Variants in PLEKHO2 observed in about 807,000 individuals in gnomAD.
PLEKHO2 encodes the protein pleckstrin homology domain containing O2, also known as pleckstrin homology domain-containing family O member 2.
A neutral mutation model predicts 32.7 loss-of-function variants in PLEKHO2; 20 were observed. The observed-to-expected ratio is 0.61, with a 90% CI of 0.43 to 0.89. The LOEUF is 0.89. PLEKHO2 is among the 40% of genes least tolerant of loss of function. PLEKHO2 has a pLI of 0.00. For synonymous variants in PLEKHO2, 247 were observed against 246.3 expected (o/e 1.00, Z -0.03); for missense variants, 568 against 621.2 (o/e 0.91, Z 0.91).
At chr15:64,862,753 ATTTTC>A (rs2084651497) in intron 5 of PLEKHO2, among the ~76,000 whole-genome samples, 1 of 151,930 alleles carries the variant, frequency 6.6e-6, no homozygotes, top group Admixed American at 6.6e-5. Context: ...TTTACAACAT[ATTTTC>A]TTTTTCTTTT....
Position 64,864,908 on chromosome 15 carries a change from G to A in PLEKHO2, c.493G>A (p.Ala165Thr), listed in dbSNP as rs1408883482. The A allele has an allele frequency of 1.9e-6, 3 of 1,603,606 alleles. No individual in the cohort carries two copies. Among genetic ancestry groups the A allele is most frequent in the Non-Finnish European group, 8.5e-7 (1 of 1,173,796 alleles). ...TRVHLKEVASAASDGLLRLDL... is the reference protein window; with the variant it reads ...TRVHLKEVASTASDGLLRLDL... ...CCATCCCCCCCACCAGGTGGCCAGTGCAGCTTCTGACGGTCTTCTGCGCCT... is the reference window on the plus strand; with the variant it reads ...CCATCCCCCCCACCAGGTGGCCAGTACAGCTTCTGACGGTCTTCTGCGCCT... Residue 165 changes from alanine to threonine, a missense_variant, in exon 6 of 6, where the codon GCA becomes ACA. Physicochemically the swap from Ala to Thr is moderately conservative, Grantham distance 58. Transcript: ENST00000323544.
rs2084672236 is a variant in PLEKHO2, at chr15:64,865,127, T to G, written c.712T>G (p.Ser238Ala). 1 of 1,613,852 alleles carries G rather than the reference T, an allele frequency of 6.2e-7. No homozygotes were observed. ...AGCCCCAACCCCTGTCTCAGCAAGCTCTGAGGTCTCCCCTGAGAGCCAAGA... is the reference window on the plus strand; with the variant it reads ...AGCCCCAACCCCTGTCTCAGCAAGCGCTGAGGTCTCCCCTGAGAGCCAAGA... ...ERAPTPVSAS[S>A]EVSPESQEDS... Residue 238 changes from serine to alanine, a missense_variant, in exon 6 of 6, where the codon TCT becomes GCT. Physicochemically the swap from Ser to Ala is moderately conservative, Grantham distance 99 (BLOSUM62 1). Transcript: ENST00000323544.
Position 64,865,095 on chromosome 15 carries a change from G to A in PLEKHO2, c.680G>A (p.Gly227Glu). Reference protein sequence around the residue: ...SPGDRVETPVGERAPTPVSAS... With the variant: ...SPGDRVETPVEERAPTPVSAS... ...GGTGACAGGGTGGAGACCCCTGTGGGGGAGAGAGCCCCAACCCCTGTCTCA... is the reference window on the plus strand; with the variant it reads ...GGTGACAGGGTGGAGACCCCTGTGGAGGAGAGAGCCCCAACCCCTGTCTCA... The change falls in exon 6 of 6, where the codon GGG (glycine) becomes GAG (glutamate). Residue 227 changes from glycine to glutamate, a missense_variant. Gly to Glu is a moderately conservative substitution (Grantham distance 98). Transcript: ENST00000323544. The A allele has an allele frequency of 6.2e-7, 1 of 1,614,082 alleles. No individual in the cohort carries two copies. The highest frequency in any genetic ancestry group is 1.1e-5 in the South Asian group (1 of 91,084).
rs2084687518 is a variant in PLEKHO2 at position 64,866,368 on chromosome 15, C to T, written c.*480C>T. 8.8e-6 allele frequency: 4 copies of T among 456,672 alleles called. No individual in the cohort carries two copies. Among genetic ancestry groups the T allele is most frequent in the African/African-American group, 2.0e-5 (1 of 50,114 alleles). 28.3% of individuals were successfully genotyped at this position (456,672 alleles called of 1,614,324 possible). ...TAAGGCAGCCTCAAAGCCAGCCCCT[C>T]CTCCCACCTATTCTGAGTAGCTGCA... is the stretch of plus-strand genomic sequence containing the variant. On this transcript the variant is annotated 3_prime_UTR_variant, in exon 6 of 6. Coordinates refer to ENST00000323544, the MANE Select transcript of PLEKHO2 (RefSeq NM_025201.5).
Position 64,848,697 on chromosome 15 carries a change from A to G in PLEKHO2, c.117A>G (p.Arg39=), listed in dbSNP as rs1363497168. Residue 39 remains arginine (R), a synonymous_variant, in exon 2 of 6, where the codon CGA becomes CGG. Transcript: ENST00000323544. ...SGGLLGFWKD[R]YLLLCQAQLL... is the part of the protein sequence containing the mutation. ...GCCTCCTGGGTTTCTGGAAAGACCGATATCTGCTCCTCTGCCAGGCCCAGC... is the reference window on the plus strand; with the variant it reads ...GCCTCCTGGGTTTCTGGAAAGACCGGTATCTGCTCCTCTGCCAGGCCCAGC... 2 of 1,614,128 alleles carry G rather than the reference A, an allele frequency of 1.2e-6. No homozygotes were observed. Among genetic ancestry groups the G allele is most frequent in the Admixed American group, 1.7e-5 (1 of 60,022 alleles).
At chr15:64,858,968 C>G (rs2084624336) in intron 3 of PLEKHO2, among the ~76,000 whole-genome samples, 1 of 152,188 alleles carries the variant, frequency 6.6e-6, no homozygotes. Flanking sequence ...ACTCTCCTCT[C>G]TGTCTCTATG....
chr15:64,860,914 T>C (rs1465806207), intron 4 of PLEKHO2, among the ~76,000 whole-genome samples: 3 of 152,204 alleles, frequency 2.0e-5, no homozygotes, highest in Non-Finnish European at 4.4e-5. Flanking sequence ...CTCCCCATCA[T>C]AGGGCCAGGC....
At chr15:64,857,292 G>A (rs967923799) in intron 3 of PLEKHO2, among the ~76,000 whole-genome samples, 1 of 152,204 alleles carries the variant, frequency 6.6e-6, no homozygotes, top group African/African-American at 2.4e-5. Context: ...GACCTGTACA[G>A]CCTGTGGCCC....
At chr15:64,843,159 G>A (rs1015022426) in intron 1 of PLEKHO2, among the ~76,000 whole-genome samples, 4 of 152,236 alleles carry the variant, frequency 2.6e-5, no homozygotes, top group Non-Finnish European at 5.9e-5. Flanking sequence ...CTAGTGGTCC[G>A]TCAGGGCTCC....
At chr15:64,863,519 TTGTGTGTGTG>T (rs147780306) in intron 5 of PLEKHO2, among the ~76,000 whole-genome samples, 17 of 145,160 alleles carry the variant, frequency 1.2e-4, no homozygotes, top group South Asian at 4.5e-4. Flanking sequence ...GTGTGTGTGT[TTGTGTGTGTG>T]TGTGTGTGTG....
intron 1 of PLEKHO2, among the ~76,000 whole-genome samples, chr15:64,845,893 C>T (rs951461147): frequency 2.0e-5 from 3 of 152,126 alleles, no homozygotes; most frequent in Admixed American, 2.0e-4. Context: ...AAGCAAGAGG[C>T]GAGCTTGGAG....
chr15:64,850,680 C>T (rs921542613), intron 2 of PLEKHO2, among the ~76,000 whole-genome samples: 1 of 152,234 alleles, frequency 6.6e-6, no homozygotes. Flanking sequence ...GAATAGCCCT[C>T]ACTTCTTCCC....
Position 64,865,057 on chromosome 15 carries a change from G to C in PLEKHO2, c.642G>C (p.Glu214Asp), listed in dbSNP as rs1254074289. 1.2e-6 allele frequency: 2 copies of C among 1,614,098 alleles called. No individual in the cohort carries two copies. The highest frequency in any genetic ancestry group is 1.3e-5 in the African/African-American group (1 of 75,026). Reference sequence around the variant, plus strand: ...CTACCAAGCCTTTCCTAGCACCTGAGACCACCAGCCCTGGTGACAGGGTGG... The same window carrying C: ...CTACCAAGCCTTTCCTAGCACCTGACACCACCAGCCCTGGTGACAGGGTGG... ...MPPTKPFLAP[E>D]TTSPGDRVET... is the part of the protein sequence containing the mutation. Residue 214 changes from glutamate (E) to aspartate (D), a missense_variant, in exon 6 of 6, where the codon GAG (glutamate) becomes GAC (aspartate). Coordinates refer to ENST00000323544, the MANE Select transcript of PLEKHO2 (RefSeq NM_025201.5).
chr15:64,864,066 A>G (rs1341175212), intron 5 of PLEKHO2, among the ~76,000 whole-genome samples: 2 of 152,208 alleles, frequency 1.3e-5, no homozygotes, highest in East Asian at 3.9e-4. Context: ...AAGAAAAATA[A>G]GGTGGCAGGG....
In PLEKHO2 at chr15:64,865,879, T is replaced by C. The variant is rs1239880257; in HGVS notation, c.1464T>C (p.Ser488=). 1.2e-6 allele frequency: 2 copies of C among 1,604,396 alleles called. No homozygotes were observed. The highest frequency in any genetic ancestry group is 3.3e-5 in the Admixed American group (2 of 59,966). The part of the protein sequence containing the change: ...RKELVTLYRR[S]AP The stretch of plus-strand genomic sequence containing the variant: ...AGCTGGTGACCCTCTACAGGAGAAG[T>C]GCACCCTAGGGCCTTCTGGGCCAGA... The change falls in exon 6 of 6, where the codon AGT becomes AGC. Residue 488 remains serine (S), a synonymous_variant. Coordinates refer to ENST00000323544, the MANE Select transcript of PLEKHO2 (RefSeq NM_025201.5).
At chr15:64,854,308 C>T (rs866972063) in intron 2 of PLEKHO2, among the ~76,000 whole-genome samples, 21 of 152,134 alleles carry the variant, frequency 1.4e-4, no homozygotes, top group Admixed American at 9.8e-4. Flanking sequence ...GGATGGGATG[C>T]GCTTCAAGGA....
chr15:64,861,682 G>A (rs189541795), intron 5 of PLEKHO2, 107 bp downstream of exon 5: 5 of 853,430 alleles, frequency 5.9e-6, no homozygotes, highest in Admixed American at 5.9e-5. Flanking sequence ...GACACCTGGA[G>A]CTGGGGCTTC....
chr15:64,846,315 CCT>C lies in PLEKHO2; in HGVS notation c.13-2277_13-2276del, dbSNP rs1491144436. ...TTCCTTGTTCCTATATCTGGGAAGA[CCT>C]TTTTTTTTTTTCGGAGACAGGGCCT... On this transcript the variant is annotated intron_variant, in intron 1 of 5. Transcript: ENST00000323544. Among the ~76,000 whole-genome samples, 3 of 151,698 alleles carry C rather than the reference CCT, an allele frequency of 2.0e-5. No homozygotes were observed. The East Asian group carries it at 5.8e-4, about 29-fold the overall frequency.
intron 2 of PLEKHO2, among the ~76,000 whole-genome samples, chr15:64,851,078 A>G (rs574195353): frequency 1.3e-5 from 2 of 152,172 alleles, no homozygotes; most frequent in Non-Finnish European, 2.9e-5. Flanking sequence ...CCTCGGAGAA[A>G]CACCTTGTCT....
Sources: gnomAD v4.1 joint callset for allele counts (sites outside exome capture counted in the v4.1 genomes callset) on GRCh38, gnomAD v4.1.1 for gene constraint, MANE v1.5 for transcripts, NCBI Gene and HGNC (gene_info 2026-07-23, HGNC 2026-07-21) for gene names.